The following CFAP126 variants were observed in gnomAD, a reference collection of about 807,000 sequenced individuals.
CFAP126 encodes the protein protein Flattop.
Under a neutral mutation model 17.1 loss-of-function variants are expected in CFAP126, and 21 were observed. The observed-to-expected ratio is 1.23, with a 90% CI of 0.87 to 1.77. The LOEUF (loss-of-function observed/expected upper bound fraction) is 1.77. Ranked by LOEUF, CFAP126 falls within the 40% of genes most tolerant of loss-of-function variation. The pLI, the probability that CFAP126 is intolerant of heterozygous loss-of-function variation, is 0.00. For missense variants in CFAP126, 174 were observed against 215.4 expected (o/e 0.81, Z 1.20); for synonymous variants, 65 against 73.5 (o/e 0.88, Z 0.59).
chr1:161,365,794 T>A, intron 3 of CFAP126, 92 bp from the exon 4 acceptor site: 1 of 1,153,618 alleles, frequency 8.7e-7, no homozygotes, highest in South Asian at 1.6e-5. Flanking sequence ...CCTTTAGGAA[T>A]GCATGGTTAT....
At chr1:161,366,574 T>C in intron 1 of CFAP126, 73 bp from the exon 2 acceptor site, 1 of 1,380,646 alleles carries the variant, frequency 7.2e-7, no homozygotes, top group African/African-American at 1.4e-5. Flanking sequence ...CTAGGCACAA[T>C]TCTTTAGATT....
intron 3 of CFAP126, 145 bp downstream of exon 3, chr1:161,366,053 G>T: frequency 1.4e-6 from 1 of 726,220 alleles, no homozygotes; most frequent in Non-Finnish European, 2.4e-6. Flanking sequence ...GGGTAAGCTG[G>T]CCGGAAGTTC....
chr1:161,365,674 G>T lies in CFAP126; in HGVS notation c.200C>A (p.Thr67Asn), dbSNP rs1383539688. The T allele has an allele frequency of 6.2e-7, 1 of 1,603,508 alleles. No individual in the cohort carries two copies. Among genetic ancestry groups the T allele is most frequent in the Non-Finnish European group, 8.5e-7 (1 of 1,175,100 alleles). Residue 67 changes from threonine (T) to asparagine (N), a missense_variant, in exon 4 of 5, where the codon ACC (threonine) becomes AAC (asparagine). By Grantham distance (65) the Thr-to-Asn change is moderately conservative (BLOSUM62 0). Transcript: ENST00000367974. ...GGGTATCTTCAGAGGCATTTGCCAG[G>T]TGCCCATGAAGGAACCCCAAGGATT... The part of the protein sequence containing the change: ...KANPWGSFMG[T>N]WQMPLKIPPA...
chr1:161,365,914 C>A, intron 3 of CFAP126: 1 of 613,956 alleles, frequency 1.6e-6, no homozygotes. Context: ...TTAAATTCCA[C>A]ATCCTTAGGC....
rs1672672744 is a variant in CFAP126 at position 161,364,912 on chromosome 1, C to T, written c.*53G>A. 18 of 1,545,954 alleles carry T rather than the reference C, an allele frequency of 1.2e-5. No individual in the cohort carries two copies. The highest frequency in any genetic ancestry group is 1.5e-5 in the Non-Finnish European group (17 of 1,125,162). ...CCAGGTTTGTATTTCTGGACCTCAG[C>T]TAGATTAGGCCCTGCCCAGAGTTCT... is the stretch of plus-strand genomic sequence containing the variant. On this transcript the variant is annotated 3_prime_UTR_variant, in exon 5 of 5. Coordinates refer to ENST00000367974, the MANE Select transcript of CFAP126 (RefSeq NM_001013625.4).
At chr1:161,365,244 A>AT in intron 4 of CFAP126, 94 bp from the exon 5 acceptor site, 1 of 1,277,888 alleles carries the variant, frequency 7.8e-7, no homozygotes, top group South Asian at 1.4e-5. Context: ...CTTTCTCCCC[A>AT]TACCATGGGC....
chr1:161,367,831 T>C lies in CFAP126; in HGVS notation c.27+11A>G, dbSNP rs1250934380. 6.2e-7 allele frequency: 1 copy of C among 1,610,838 alleles called. No homozygotes were observed. Among genetic ancestry groups the C allele is most frequent in the African/African-American group, 1.3e-5 (1 of 74,912 alleles). On this transcript the variant is annotated intron_variant, in intron 1 of 4. Coordinates refer to ENST00000367974, the MANE Select transcript of CFAP126 (RefSeq NM_001013625.4). ...AAGTAAACGTTAAAGAAATGGAGAA[T>C]GGGAACTTACCTGGTTGGCACTGTA...
chr1:161,365,392 G>C, intron 4 of CFAP126, 134 bp downstream of exon 4: 1 of 1,098,562 alleles, frequency 9.1e-7, no homozygotes. Flanking sequence ...AGGTGATTAA[G>C]GACTAGTCAA....
Position 161,366,447 on chromosome 1 carries a change from T to C in CFAP126, c.82A>G (p.Thr28Ala), listed in dbSNP as rs768499300. The change falls in exon 2 of 5, where the codon ACA becomes GCA. Residue 28 changes from threonine (T) to alanine (A), a missense_variant. Transcript: ENST00000367974. ...CACTGAACATGGAATACCTCTTTTG[T>C]TGGCTTAGTGGGAGACCAGTTCTGC... is the stretch of plus-strand genomic sequence containing the variant. Reference protein sequence around the residue: ...YLQNWSPTKPTKESISSHEGY... With the variant: ...YLQNWSPTKPAKESISSHEGY... 26 of 1,613,858 alleles carry C rather than the reference T, an allele frequency of 1.6e-5. No individual in the cohort carries two copies. The highest frequency in any genetic ancestry group is 1.4e-4 in the South Asian group (13 of 91,086).
At position 161,366,264 on chromosome 1, in the gene CFAP126, A is replaced by G; in HGVS notation, c.105T>C (p.His35=). 2 of 1,613,778 alleles carry G rather than the reference A, an allele frequency of 1.2e-6. No homozygotes were observed. Among genetic ancestry groups the G allele is most frequent in the Non-Finnish European group, 1.7e-6 (2 of 1,179,670 alleles). ...TKPTKESISS[H]EGYTQIIAND... ...TGGCAATAATTTGAGTGTAGCCTTC[A>G]TGAGAAGAGATGCTCTGGGGTACAA... The change falls in exon 3 of 5, where the codon CAT becomes CAC. Residue 35 remains histidine, a synonymous_variant. Transcript: ENST00000367974.
chr1:161,365,578 T>C lies in CFAP126; in HGVS notation c.296A>G (p.Asn99Ser), dbSNP rs528758301. Residue 99 changes from asparagine (N) to serine (S), a missense_variant, in exon 4 of 5, where the codon AAT becomes AGT. Physicochemically the swap from Asn to Ser is conservative, Grantham distance 46. Transcript: ENST00000367974. ...AASLTKWIQKNPDLLKASNGL... is the reference protein window; with the variant it reads ...AASLTKWIQKSPDLLKASNGL... ...ATTGGAGGCCTTGAGTAAATCAGGA[T>C]TTTTCTGTATCCATTTGGTGAGGGA... 4 of 1,614,108 alleles carry C rather than the reference T, an allele frequency of 2.5e-6. No individual in the cohort carries two copies. The highest frequency in any genetic ancestry group is 1.3e-5 in the African/African-American group (1 of 75,006).
chr1:161,365,816 G>A (rs924133112), intron 3 of CFAP126, 114 bp from the exon 4 acceptor site: 2 of 1,031,154 alleles, frequency 1.9e-6, no homozygotes, highest in African/African-American at 3.2e-5. Context: ...AAACAAGACT[G>A]AAAGCATAAT....
intron 4 of CFAP126, 187 bp downstream of exon 4, chr1:161,365,339 G>A: frequency 1.1e-6 from 1 of 898,306 alleles, no homozygotes; most frequent in South Asian, 1.7e-5. Context: ...ATTTTCTACT[G>A]TTGGGGGTAT....
In CFAP126 at chr1:161,366,516, A is replaced by C. The variant is rs537379976; in HGVS notation, c.28-15T>G. 10 of 1,612,900 alleles carry C rather than the reference A, an allele frequency of 6.2e-6. No individual in the cohort carries two copies. In the Admixed American group the frequency reaches 1.3e-4, roughly 21 times the overall value. On this transcript the variant is annotated splice_polypyrimidine_tract_variant and intron_variant, in intron 1 of 4. Transcript: ENST00000367974. ...GCCTTTTCATACTGTGGAGAGAAAGATAAGTAGCCCTATGAGACTTCAAGG... is the reference window on the plus strand; with the variant it reads ...GCCTTTTCATACTGTGGAGAGAAAGCTAAGTAGCCCTATGAGACTTCAAGG...
chr1:161,366,745 T>C, intron 1 of CFAP126: 1 of 526,444 alleles, frequency 1.9e-6, no homozygotes, highest in Non-Finnish European at 3.3e-6. Flanking sequence ...GCTTTGTAAA[T>C]ATGAAATATG....
intron 3 of CFAP126, 29 bp downstream of exon 3, chr1:161,366,169 T>C: frequency 6.5e-7 from 1 of 1,534,290 alleles, no homozygotes; most frequent in Non-Finnish European, 9.0e-7. Flanking sequence ...TATTTGACTT[T>C]CTTGATAGGA....
At chr1:161,366,049 G>A in intron 3 of CFAP126, 149 bp downstream of exon 3, 1 of 712,264 alleles carries the variant, frequency 1.4e-6, no homozygotes, top group Non-Finnish European at 2.4e-6. Flanking sequence ...TGCTGGGTAA[G>A]CTGGCCGGAA....
At chr1:161,365,462 A>AT (rs1313061465) in intron 4 of CFAP126, 64 bp downstream of exon 4, 1 of 1,573,916 alleles carries the variant, frequency 6.4e-7, no homozygotes, top group Non-Finnish European at 8.7e-7. Flanking sequence ...AACAATAGAC[A>AT]TTTTTTGAGG....
At position 161,365,507 on chromosome 1, in the gene CFAP126, A is replaced by G. The variant is rs762885537; in HGVS notation, c.348+19T>C. ...AATTGAGACTACAGGGTTTTGGGTT[A>G]GATGGGAAGAATAGATACCTTGCCT... On this transcript the variant is annotated intron_variant, in intron 4 of 4. Transcript: ENST00000367974. 8.7e-6 allele frequency: 14 copies of G among 1,612,842 alleles called. No individual in the cohort carries two copies. The highest frequency in any genetic ancestry group is 7.7e-5 in the South Asian group (7 of 91,040).
Sources: allele counts gnomAD v4.1 joint callset, GRCh38; gene constraint gnomAD v4.1.1; transcripts MANE v1.5; gene names NCBI Gene and HGNC (gene_info 2026-07-23, HGNC 2026-07-21).